The following CPNE8 variants were observed in gnomAD, a reference collection of about 807,000 sequenced individuals.
The protein encoded by CPNE8 is copine 8.
Under a neutral mutation model 81.5 loss-of-function variants are expected in CPNE8, and 45 were observed. That is an observed-to-expected ratio of 0.55 (90% confidence interval 0.44 to 0.71). The LOEUF (loss-of-function observed/expected upper bound fraction) is 0.71, where lower values mean the gene tolerates loss of function less well. Among genes scored for constraint, CPNE8 ranks in the 30% least tolerant of loss-of-function variants. The pLI, the probability that CPNE8 is intolerant of heterozygous loss-of-function variation, is 0.00. For synonymous variants in CPNE8, 252 were observed against 226.3 expected, an observed-to-expected ratio of 1.11 and a Z score of -1.02; for missense variants, 594 against 672.1, an observed-to-expected ratio of 0.88 and a Z score of 1.28.
intron 13 of CPNE8, among the ~76,000 whole-genome samples, chr12:38,710,814 T>G (rs2136709104): frequency 6.6e-6 from 1 of 152,270 alleles, no homozygotes; most frequent in Non-Finnish European, 1.5e-5. Context: ...TATAGTAATA[T>G]ATCTTATGCA....
chr12:38,653,836 C>A lies in CPNE8; in HGVS notation c.*46G>T, dbSNP rs145339671. ...CAGAGCACCAGGCACAAAGCATTAA[C>A]TCAGCACTTTTGATTTGTAGTTGAC... On this transcript the variant is annotated 3_prime_UTR_variant, in exon 20 of 20. Coordinates refer to ENST00000331366, the MANE Select transcript of CPNE8 (RefSeq NM_153634.3). 6.3e-7 allele frequency: 1 copy of A among 1,595,376 alleles called. No homozygotes were observed. The highest frequency in any genetic ancestry group is 2.3e-5 in the East Asian group (1 of 44,040).
At chr12:38,875,978 A>T (rs1944060456) in intron 1 of CPNE8, among the ~76,000 whole-genome samples, 1 of 152,206 alleles carries the variant, frequency 6.6e-6, no homozygotes. Flanking sequence ...CTGTGACTCA[A>T]GCTTTTGCTC....
At chr12:38,879,086 A>G (rs1239069060) in intron 1 of CPNE8, among the ~76,000 whole-genome samples, 3 of 152,226 alleles carry the variant, frequency 2.0e-5, no homozygotes, top group Non-Finnish European at 4.4e-5. Flanking sequence ...CTAAATAAAT[A>G]TATGTCCTGA....
intron 6 of CPNE8, among the ~76,000 whole-genome samples, chr12:38,797,099 G>C (rs916769619): frequency 3.3e-5 from 5 of 152,206 alleles, no homozygotes; most frequent in African/African-American, 7.2e-5. Context: ...TGCCTCTGTA[G>C]GCTCCACCTC....
chr12:38,798,608 A>G (rs908236894), intron 6 of CPNE8, among the ~76,000 whole-genome samples: 6 of 152,290 alleles, frequency 3.9e-5, no homozygotes, highest in African/African-American at 1.4e-4. Context: ...CAAATTGTAA[A>G]GACCATCGAG....
intron 4 of CPNE8, among the ~76,000 whole-genome samples, chr12:38,843,691 C>T (rs546001539): frequency 6.6e-6 from 1 of 152,144 alleles, no homozygotes; most frequent in African/African-American, 2.4e-5. Context: ...TTTGGCCCCT[C>T]CTCCATAAGG....
At chr12:38,856,418 G>C (rs1180210112) in intron 3 of CPNE8, among the ~76,000 whole-genome samples, 1 of 152,022 alleles carries the variant, frequency 6.6e-6, no homozygotes, top group Non-Finnish European at 1.5e-5. Context: ...GAAAATTATA[G>C]ACCAATATCC....
Position 38,790,205 on chromosome 12 carries a change from G to A in CPNE8, c.408-13904C>T, listed in dbSNP as rs538266339. Among the ~76,000 whole-genome samples, 20 of 151,656 alleles carry A rather than the reference G, an allele frequency of 1.3e-4. No homozygotes were observed. The South Asian group carries it at 1.5e-3, about 11-fold the overall frequency. The stretch of plus-strand genomic sequence containing the variant: ...ACAACAGTCAAGATTGGAAAACCAC[G>A]TAGAATAGATACAGAAAATGTGATA... On this transcript the variant is annotated intron_variant, in intron 6 of 19. Coordinates refer to ENST00000331366, the MANE Select transcript of CPNE8 (RefSeq NM_153634.3).
chr12:38,829,761 G>T (rs572461238), intron 5 of CPNE8, among the ~76,000 whole-genome samples: 1 of 152,110 alleles, frequency 6.6e-6, no homozygotes, highest in Admixed American at 6.5e-5. Flanking sequence ...ATGCACAATT[G>T]GCTTAACTTC....
In CPNE8 at chr12:38,689,467, G is replaced by A. The variant is rs148554731; in HGVS notation, c.1144-3850C>T. On this transcript the variant is annotated intron_variant, in intron 15 of 19. Transcript: ENST00000331366. ...TGAAAAGAAGCTCTTAGGGGCTGTT[G>A]CTCTACTCTGAAATGTGACTGTTGC... 2.2e-4 allele frequency among the ~76,000 whole-genome samples: 34 copies of A among 152,286 alleles called. No individual in the cohort carries two copies. In the East Asian group the frequency reaches 5.8e-3, roughly 26 times the overall value.
At chr12:38,779,019 C>T (rs907457367) in intron 6 of CPNE8, among the ~76,000 whole-genome samples, 1 of 152,086 alleles carries the variant, frequency 6.6e-6, no homozygotes, top group Non-Finnish European at 1.5e-5. Context: ...AGCATCCTTC[C>T]AGCATCCTTA....
chr12:38,692,712 T>G (rs2136671774), intron 15 of CPNE8, among the ~76,000 whole-genome samples: 1 of 152,240 alleles, frequency 6.6e-6, no homozygotes, highest in South Asian at 2.1e-4. Flanking sequence ...TAAACCTCAT[T>G]TAGTTTAACA....
At chr12:38,861,377 T>TA (rs1000224724) in intron 3 of CPNE8, among the ~76,000 whole-genome samples, 35 of 151,832 alleles carry the variant, frequency 2.3e-4, no homozygotes, top group Non-Finnish European at 4.3e-4. Context: ...CTTATCACAA[T>TA]AAAAAATAAA....
chr12:38,689,970 T>C (rs1262116351), intron 15 of CPNE8, among the ~76,000 whole-genome samples: 1 of 152,182 alleles, frequency 6.6e-6, no homozygotes. Context: ...CTTTTCCTTT[T>C]CTCATAGTGT....
At chr12:38,769,380 T>C (rs1365363209) in intron 7 of CPNE8, among the ~76,000 whole-genome samples, 1 of 152,158 alleles carries the variant, frequency 6.6e-6, no homozygotes, top group African/African-American at 2.4e-5. Context: ...ATGTTCTTTT[T>C]AAATTAGAGG....
intron 6 of CPNE8, among the ~76,000 whole-genome samples, chr12:38,802,731 A>T (rs1468844300): frequency 6.6e-6 from 1 of 151,334 alleles, no homozygotes; most frequent in Non-Finnish European, 1.5e-5. Flanking sequence ...GGTTTTTTGA[A>T]AGGATCAACA....
At chr12:38,671,967 T>C (rs1310273404) in intron 18 of CPNE8, among the ~76,000 whole-genome samples, 1 of 152,138 alleles carries the variant, frequency 6.6e-6, no homozygotes, top group Non-Finnish European at 1.5e-5. Context: ...AGAAGACATT[T>C]TTTAATCTCC....
upstream of CPNE8, chr12:38,905,815 G>C: frequency 2.0e-6 from 2 of 985,264 alleles, no homozygotes; most frequent in Non-Finnish European, 1.2e-6. Context: ...GCCCGGGCGG[G>C]GGACACACTC....
chr12:38,744,409 C>A (rs755320910), intron 10 of CPNE8, among the ~76,000 whole-genome samples: 1 of 152,156 alleles, frequency 6.6e-6, no homozygotes, highest in African/African-American at 2.4e-5. Context: ...AATCTAAGTC[C>A]ATTATATCGA....
Sources: gnomAD v4.1 joint callset for allele counts (sites outside exome capture counted in the v4.1 genomes callset) on GRCh38, gnomAD v4.1.1 for gene constraint, MANE v1.5 for transcripts, NCBI Gene and HGNC (gene_info 2026-07-23, HGNC 2026-07-21) for gene names.